Variants in DMD observed in about 807,000 individuals in gnomAD.
DMD encodes the protein dystrophin, also known as mutant dystrophin.
Under a neutral mutation model 330.1 loss-of-function variants are expected in DMD, and 63 were observed. That is an observed-to-expected ratio of 0.19 (90% CI 0.16 to 0.24). The LOEUF is 0.24. Among genes scored for constraint, DMD ranks in the 10% least tolerant of loss-of-function variants. The pLI, the probability that DMD is intolerant of heterozygous loss-of-function variation, is 1.00. For synonymous variants in DMD, 1,223 were observed against 959.8 expected (o/e 1.27, Z -5.07); for missense variants, 3,344 against 2,684.1 (o/e 1.25, Z -5.43).
chrX:31,863,046 T>C (rs777948917), intron 48 of DMD, among the ~76,000 whole-genome samples: 1 of 112,773 alleles, frequency 8.9e-6, no homozygotes, highest in Non-Finnish European at 1.9e-5. Flanking sequence ...AGGCGCTCAT[T>C]AAAACAGCAT....
intron 21 of DMD, among the ~76,000 whole-genome samples, chrX:32,475,209 T>A (rs770366950): frequency 9.0e-6 from 1 of 111,621 alleles, no homozygotes; most frequent in African/African-American, 3.3e-5. Flanking sequence ...GTTCTGTTGG[T>A]CTATGTGCCT....
At chrX:32,904,853 G>C (rs1336834983) in intron 2 of DMD, among the ~76,000 whole-genome samples, 1 of 112,380 alleles carries the variant, frequency 8.9e-6, no homozygotes, top group Non-Finnish European at 1.9e-5. Context: ...TGGGATTACA[G>C]GCATGAGCCA....
chrX:31,419,155 G>C (rs1357052972), intron 60 of DMD, among the ~76,000 whole-genome samples: 4 of 106,085 alleles, frequency 3.8e-5, no homozygotes, highest in Non-Finnish European at 3.9e-5. Context: ...TGGTGGCCAG[G>C]CTGGTCTCAG....
chrX:31,444,539 A>T lies in DMD; in HGVS notation c.9026T>A (p.Leu3009His). ...CAGAGTGCTGAGGTTATACGGTGAG[A>T]GCTGAATGCCCAAAGTGGTAAGCTG... ...ARQLTTLGIQ[L>H]SPYNLSTLED... Residue 3009 changes from leucine to histidine, a missense_variant, in exon 60 of 79, where the codon CTC becomes CAC. Leu to His is a moderately conservative substitution (Grantham distance 99, BLOSUM62 -3). Transcript: ENST00000357033. The T allele has an allele frequency of 8.3e-7, 1 of 1,211,822 alleles. No individual in the cohort carries two copies. The highest frequency in any genetic ancestry group is 1.1e-6 in the Non-Finnish European group (1 of 895,485).
At chrX:33,286,116 A>G (rs1423654049) in intron 1 of DMD, among the ~76,000 whole-genome samples, 1 of 111,725 alleles carries the variant, frequency 9.0e-6, no homozygotes, top group Non-Finnish European at 1.9e-5. Flanking sequence ...GCATATTAGT[A>G]TTGCATTTGG....
At chrX:32,129,728 G>GGA (rs775873181) in intron 44 of DMD, among the ~76,000 whole-genome samples, 191 of 21,406 alleles carry the variant, frequency 8.9e-3, no homozygotes, top group East Asian at 0.025. Flanking sequence ...AGAGAGGGAG[G>GGA]GAGAGAGAGA....
rs570675270 is a variant in DMD at position 32,803,742 on chromosome X, T to A, written c.649+5751A>T. Among the ~76,000 whole-genome samples the A allele has an allele frequency of 5.3e-4, 59 of 112,278 alleles. 1 individual carries two copies. In the South Asian group the frequency reaches 0.021, roughly 41 times the overall value. On this transcript the variant is annotated intron_variant, in intron 7 of 78. Coordinates refer to ENST00000357033, the MANE Select transcript of DMD (RefSeq NM_004006.3). Reference sequence around the variant, plus strand: ...TACCCAGTAGTCACCCAGGAGCAGGTTTGTTCAGCTTCCATGTAGTTGTGC... The same window carrying A: ...TACCCAGTAGTCACCCAGGAGCAGGATTGTTCAGCTTCCATGTAGTTGTGC...
intron 55 of DMD, among the ~76,000 whole-genome samples, chrX:31,513,511 C>T (rs147872307): frequency 9.0e-6 from 1 of 110,658 alleles, no homozygotes; most frequent in African/African-American, 3.3e-5. Flanking sequence ...AGTGGGTAGC[C>T]AATCTGGACA....
chrX:32,626,681 G>A (rs886763781), intron 11 of DMD, among the ~76,000 whole-genome samples: 2 of 103,968 alleles, frequency 1.9e-5, no homozygotes, highest in African/African-American at 8.3e-5. Context: ...GGGGGCTGGG[G>A]AAGGAATAGC....
intron 60 of DMD, among the ~76,000 whole-genome samples, chrX:31,372,515 A>C (rs1015923567): frequency 5.3e-4 from 60 of 112,161 alleles, no homozygotes; most frequent in African/African-American, 1.9e-3. Flanking sequence ...AAGGCCCAGT[A>C]TAGCAGAAAG....
Position 32,883,823 on chromosome X carries a change from C to CAAAAA in DMD, c.94-34008_94-34004dup, listed in dbSNP as rs56150142. 1.4e-3 allele frequency among the ~76,000 whole-genome samples: 41 copies of CAAAAA among 30,345 alleles called. 1 individual carries two copies. The highest frequency in any genetic ancestry group is 3.1e-3 in the South Asian group (1 of 325). The allele number at this position is 30,345 out of a possible 115,157, so 26.4% of individuals were successfully genotyped here. A position where few individuals can be genotyped will look rare whatever the true frequency, so the allele number is the denominator to read the frequency against. On this transcript the variant is annotated intron_variant, in intron 2 of 78. Coordinates refer to ENST00000357033, the MANE Select transcript of DMD (RefSeq NM_004006.3). ...TGGGTGACAGAGCAAGACTCTGTTT[C>CAAAAA]AAAAAAAAAAAAAAAAAAAAAAAAA...
At chrX:33,041,326 G>A in intron 1 of DMD, 1 of 1,103,848 alleles carries the variant, frequency 9.1e-7, no homozygotes, top group Non-Finnish European at 1.2e-6. Flanking sequence ...AATAGCTACC[G>A]CCTCTGCGCG....
chrX:31,622,383 G>T (rs936373213), intron 55 of DMD, among the ~76,000 whole-genome samples: 5 of 110,515 alleles, frequency 4.5e-5, no homozygotes, highest in African/African-American at 1.6e-4. Flanking sequence ...TTACTTAAAA[G>T]TGATGGACTC....
At chrX:31,459,366 T>TA (rs890062175) in intron 59 of DMD, among the ~76,000 whole-genome samples, 39 of 111,998 alleles carry the variant, frequency 3.5e-4, no homozygotes, top group Non-Finnish European at 5.3e-4. Context: ...TCATTGGTTC[T>TA]AAAAAAAACA....
At chrX:31,520,013 T>C (rs2072600376) in intron 55 of DMD, among the ~76,000 whole-genome samples, 1 of 112,262 alleles carries the variant, frequency 8.9e-6, no homozygotes, top group Non-Finnish European at 1.9e-5. Flanking sequence ...ACAAAGTTAC[T>C]CTTTTGTTAA....
chrX:33,029,260 G>C (rs886345010), intron 1 of DMD, among the ~76,000 whole-genome samples: 1 of 111,386 alleles, frequency 9.0e-6, no homozygotes, highest in Non-Finnish European at 1.9e-5. Flanking sequence ...TTTAGCCTTG[G>C]AACTGAAATA....
intron 47 of DMD, among the ~76,000 whole-genome samples, chrX:31,888,890 T>G (rs917161823): frequency 8.9e-6 from 1 of 112,427 alleles, no homozygotes; most frequent in African/African-American, 3.2e-5. Context: ...AATATTACTT[T>G]AAAAGTAAGT....
intron 4 of DMD, among the ~76,000 whole-genome samples, chrX:32,826,965 C>G (rs2078744678): frequency 9.4e-6 from 1 of 106,922 alleles, no homozygotes; most frequent in Non-Finnish European, 1.9e-5. Flanking sequence ...ATTTTTTTTG[C>G]TAATTAAAAA....
chrX:31,878,022 T>C (rs2093996071), intron 47 of DMD, among the ~76,000 whole-genome samples: 2 of 111,808 alleles, frequency 1.8e-5, no homozygotes, highest in Non-Finnish European at 3.8e-5. Context: ...TTAGGCTTCA[T>C]ATATAAGCAC....
Sources: gnomAD v4.1 joint callset for allele counts (sites outside exome capture counted in the v4.1 genomes callset) on GRCh38, gnomAD v4.1.1 for gene constraint, MANE v1.5 for transcripts, NCBI Gene and HGNC (gene_info 2026-07-23, HGNC 2026-07-21) for gene names.